Variants in CPNE4 observed in about 807,000 individuals in gnomAD.
CPNE4 encodes the protein copine 4, also known as copine-4.
CPNE4 carries 25 observed loss-of-function variants against 67.9 expected under a neutral mutation model. The observed-to-expected ratio is 0.37, with a 90% CI of 0.27 to 0.51. The LOEUF is 0.51. CPNE4 is among the 20% of genes least tolerant of loss of function. CPNE4 has a pLI of 0.93. For synonymous variants in CPNE4, 242 were observed against 244.9 expected, an observed-to-expected ratio of 0.99 and a Z score of 0.11; for missense variants, 464 against 690.8, an observed-to-expected ratio of 0.67 and a Z score of 3.68.
At chr3:131,592,773 A>C (rs2107710162) in intron 7 of CPNE4, among the ~76,000 whole-genome samples, 1 of 152,294 alleles carries the variant, frequency 6.6e-6, no homozygotes, top group Non-Finnish European at 1.5e-5. Flanking sequence ...GTAAACTACT[A>C]GAATCCTCTA....
intron 12 of CPNE4, among the ~76,000 whole-genome samples, chr3:131,553,655 T>C (rs866380271): frequency 6.6e-6 from 1 of 152,120 alleles, no homozygotes; most frequent in African/African-American, 2.4e-5. Flanking sequence ...CCAACCTCTA[T>C]TGTGGTTTCC....
chr3:131,882,790 C>T (rs1218652514), intron 2 of CPNE4, among the ~76,000 whole-genome samples: 2 of 149,368 alleles, frequency 1.3e-5, no homozygotes, highest in African/African-American at 5.0e-5. Context: ...GATCTCAGCT[C>T]ACTGCAAGCT....
At chr3:131,648,723 G>A (rs556897382) in intron 7 of CPNE4, among the ~76,000 whole-genome samples, 104 of 152,308 alleles carry the variant, frequency 6.8e-4, no homozygotes, top group African/African-American at 2.3e-3. Context: ...GAATACAGTA[G>A]ACAATCTAAG....
At chr3:131,775,822 A>C (rs1443642078) in intron 2 of CPNE4, among the ~76,000 whole-genome samples, 3 of 152,214 alleles carry the variant, frequency 2.0e-5, no homozygotes, top group African/African-American at 4.8e-5. Context: ...CAAAGGAAAC[A>C]GTGCAAATGT....
intron 2 of CPNE4, among the ~76,000 whole-genome samples, chr3:131,780,890 C>A (rs1258106937): frequency 6.6e-6 from 1 of 152,036 alleles, no homozygotes; most frequent in Non-Finnish European, 1.5e-5. Flanking sequence ...AAAGCTAAAC[C>A]TGTCAGCAGA....
In CPNE4 at chr3:131,952,365, G is replaced by A. The variant is rs1194142867; in HGVS notation, c.-1-46921C>T. On this transcript the variant is annotated intron_variant, in intron 1 of 15. Transcript: ENST00000429747. ...TGAGAAGTGAGGAGCCCCTCCGCCC[G>A]GCAGCCGCCCCGTCTGAGAAGTGAG... is the stretch of plus-strand genomic sequence containing the variant. Among the ~76,000 whole-genome samples the A allele has an allele frequency of 5.0e-4, 75 of 149,848 alleles. 1 individual carries two copies. In the South Asian group the frequency reaches 0.015, roughly 31 times the overall value.
In CPNE4 at chr3:131,905,433, A is replaced by G. The variant is rs772437388; in HGVS notation, c.11T>C (p.Met4Thr). Reference sequence around the variant, plus strand: ...GGCAGCGGACTCATAAATGTTGCTCATCTTCTTCATTCTGTTTTAGGCAAG... The same window carrying G: ...GGCAGCGGACTCATAAATGTTGCTCGTCTTCTTCATTCTGTTTTAGGCAAG... MKK[M>T]SNIYESAANT... The change falls in exon 2 of 16, where the codon ATG (methionine) becomes ACG (threonine). Residue 4 changes from methionine (M) to threonine (T), a missense_variant. Physicochemically the swap from Met to Thr is moderately conservative, Grantham distance 81 (BLOSUM62 -1). Around this residue, in one of 6 missense-constraint regions of CPNE4, gnomAD observed 170 missense variants for 203.3 expected, o/e 0.84. Coordinates refer to ENST00000429747, the MANE Select transcript of CPNE4 (RefSeq NM_130808.3). 6 of 1,612,412 alleles carry G rather than the reference A, an allele frequency of 3.7e-6. No individual in the cohort carries two copies. The highest frequency in any genetic ancestry group is 5.1e-6 in the Non-Finnish European group (6 of 1,179,294).
intron 7 of CPNE4, among the ~76,000 whole-genome samples, chr3:131,592,100 G>A (rs547129290): frequency 6.6e-6 from 1 of 152,288 alleles, no homozygotes; most frequent in East Asian, 1.9e-4. Flanking sequence ...ACTTCTGCCA[G>A]TTCACCCAGT....
chr3:131,762,268 T>C (rs138154100), intron 2 of CPNE4, among the ~76,000 whole-genome samples: 62 of 152,132 alleles, frequency 4.1e-4, no homozygotes, highest in African/African-American at 1.3e-3. Context: ...CTAAATCTAT[T>C]ATATGACATG....
chr3:132,007,170 C>G (rs1447753722), intron 1 of CPNE4, among the ~76,000 whole-genome samples: 1 of 152,118 alleles, frequency 6.6e-6, no homozygotes, highest in Non-Finnish European at 1.5e-5. Flanking sequence ...GTTCTAGTAA[C>G]AGAAAACAGG....
At chr3:132,001,553 G>GAAAGAA (rs1467276159) in intron 1 of CPNE4, among the ~76,000 whole-genome samples, 3,310 of 101,714 alleles carry the variant, frequency 0.033, 77 homozygotes, top group East Asian at 0.049. Context: ...AAAGAAAAAA[G>GAAAGAA]AGAAAGAAAG....
chr3:131,638,140 A>G (rs2079442533), intron 7 of CPNE4, among the ~76,000 whole-genome samples: 3 of 152,096 alleles, frequency 2.0e-5, no homozygotes, highest in Admixed American at 1.3e-4. Flanking sequence ...AAAAAACCAC[A>G]AGGTATTCAG....
At position 131,781,551 on chromosome 3, in the gene CPNE4, G is replaced by A. The variant is rs557132658; in HGVS notation, c.181-57926C>T. Among the ~76,000 whole-genome samples the A allele has an allele frequency of 3.3e-5, 5 of 152,188 alleles. No individual in the cohort carries two copies. In the East Asian group the frequency reaches 9.7e-4, roughly 29 times the overall value. On this transcript the variant is annotated intron_variant, in intron 2 of 15. Transcript: ENST00000429747. ...CCTTCTAAATAAAAGATTGAAATAT[G>A]ACTGAAATTTAGTGTTTGCAGCTAA...
At chr3:131,657,704 T>TTTTGTG (rs1448807612) in intron 7 of CPNE4, among the ~76,000 whole-genome samples, 1 of 140,858 alleles carries the variant, frequency 7.1e-6, no homozygotes, top group East Asian at 2.1e-4. Context: ...CCAGCTAATT[T>TTTTGTG]TGTGTGTGTG....
intron 1 of CPNE4, among the ~76,000 whole-genome samples, chr3:131,985,448 C>A (rs746264582): frequency 6.6e-5 from 10 of 152,136 alleles, no homozygotes; most frequent in Non-Finnish European, 1.5e-4. Context: ...GTTAATTAAT[C>A]CTCAGGATAA....
intron 9 of CPNE4, among the ~76,000 whole-genome samples, chr3:131,577,098 T>C (rs1559926767): frequency 6.6e-6 from 1 of 151,996 alleles, no homozygotes. Flanking sequence ...ATTAATACAA[T>C]GGCCAGTCAT....
At chr3:131,806,724 T>TG (rs2084329683) in intron 2 of CPNE4, among the ~76,000 whole-genome samples, 1 of 152,202 alleles carries the variant, frequency 6.6e-6, no homozygotes, top group African/African-American at 2.4e-5. Context: ...ACAACAAAGC[T>TG]ATTCCCTCAT....
intron 7 of CPNE4, among the ~76,000 whole-genome samples, chr3:131,666,210 C>T (rs2080257161): frequency 6.6e-6 from 1 of 151,842 alleles, no homozygotes. Context: ...TCTGAATATT[C>T]CCTGTTTTGC....
In CPNE4 at chr3:131,547,144, G is replaced by A. The variant is rs149602761; in HGVS notation, c.1302+2803C>T. ...GGCCCACGCACTGGTGGAAATGTTG[G>A]TCTATAATCCTGAGAAGTGTTGGTG... is the stretch of plus-strand genomic sequence containing the variant. On this transcript the variant is annotated intron_variant, in intron 14 of 15. Transcript: ENST00000429747. 6.1e-3 allele frequency among the ~76,000 whole-genome samples: 928 copies of A among 152,146 alleles called. 9 individuals are homozygous for A. The highest frequency in any genetic ancestry group is 0.021 in the African/African-American group (881 of 41,514).
Sources: allele counts gnomAD v4.1 joint callset (sites outside exome capture counted in the v4.1 genomes callset), GRCh38; gene constraint gnomAD v4.1.1; regional missense constraint gnomAD v4.1.1; transcripts MANE v1.5; gene names NCBI Gene and HGNC (gene_info 2026-07-23, HGNC 2026-07-21).